Variants in ZNF536 observed in about 807,000 individuals in gnomAD.
ZNF536 encodes zinc finger protein 536.
In ZNF536, 13 loss-of-function variants were observed where a neutral mutation model predicts 84.5. The ratio of observed to expected loss-of-function variants is 0.15; its 90% CI spans 0.10 to 0.24. ZNF536 has a LOEUF of 0.24. Ranked by LOEUF, ZNF536 falls within the 10% of genes least tolerant of loss-of-function variation. ZNF536 has a pLI of 1.00. For synonymous variants in ZNF536, 811 were observed against 742.5 expected (o/e 1.09, Z -1.50); for missense variants, 1,536 against 1,747.5 (o/e 0.88, Z 2.16).
At chr19:30,521,631 G>A (rs936704700) in intron 2 of ZNF536, among the ~76,000 whole-genome samples, 1 of 152,122 alleles carries the variant, frequency 6.6e-6, no homozygotes, top group South Asian at 2.1e-4. Context: ...GGTGAATATT[G>A]GCTGGACACC....
At chr19:30,708,543 GCGGTGGGAAA>G (rs1346299328) in intron 1 of ZNF536, among the ~76,000 whole-genome samples, 13 of 152,300 alleles carry the variant, frequency 8.5e-5, no homozygotes, top group Admixed American at 7.8e-4. Flanking sequence ...GGACAGGCTG[GCGGTGGGAAA>G]CTGGAAGCAT....
intron 2 of ZNF536, among the ~76,000 whole-genome samples, chr19:30,285,947 G>T (rs1251643610): frequency 6.6e-6 from 1 of 152,206 alleles, no homozygotes; most frequent in Non-Finnish European, 1.5e-5. Flanking sequence ...GCATGTCGGG[G>T]AATTCCTGTC....
At chr19:30,365,808 T>C (rs1416101523) in intron 3 of ZNF536, among the ~76,000 whole-genome samples, 1 of 152,230 alleles carries the variant, frequency 6.6e-6, no homozygotes, top group Admixed American at 6.5e-5. Context: ...GCACACTTTT[T>C]CCCATAACAT....
At chr19:30,507,596 A>C (rs2145450000) in intron 2 of ZNF536, among the ~76,000 whole-genome samples, 1 of 152,310 alleles carries the variant, frequency 6.6e-6, no homozygotes, top group Middle Eastern at 3.4e-3. Flanking sequence ...TTAAGGTGTA[A>C]AGAATAGAGA....
chr19:30,653,234 G>A (rs1241311748), intron 1 of ZNF536, among the ~76,000 whole-genome samples: 1 of 152,156 alleles, frequency 6.6e-6, no homozygotes, highest in African/African-American at 2.4e-5. Context: ...GTTCTGGGGA[G>A]GACCCTCTAT....
intron 1 of ZNF536, among the ~76,000 whole-genome samples, chr19:30,703,788 C>CA (rs1203642271): frequency 2.6e-5 from 4 of 152,178 alleles, no homozygotes; most frequent in Non-Finnish European, 1.5e-5. Flanking sequence ...CGTCATTTAC[C>CA]AATGTGTCAC....
chr19:30,471,991 A>G (rs1398364651), intron 2 of ZNF536, among the ~76,000 whole-genome samples: 1 of 152,134 alleles, frequency 6.6e-6, no homozygotes, highest in African/African-American at 2.4e-5. Flanking sequence ...GAGGAGCTCC[A>G]TTAGAGGGGG....
chr19:30,482,132 T>C (rs2054115336), intron 2 of ZNF536, among the ~76,000 whole-genome samples: 1 of 150,862 alleles, frequency 6.6e-6, no homozygotes, highest in South Asian at 2.1e-4. Flanking sequence ...TGTGTGTGAA[T>C]GTGTGTGTGT....
intron 3 of ZNF536, among the ~76,000 whole-genome samples, chr19:30,545,318 G>GTCT (rs1377590941): frequency 6.9e-6 from 1 of 145,916 alleles, no homozygotes; most frequent in African/African-American, 2.5e-5. Flanking sequence ...CAGAACTGGT[G>GTCT]TCTTACCACA....
chr19:30,305,890 C>T (rs551290063), intron 2 of ZNF536, among the ~76,000 whole-genome samples: 10 of 152,298 alleles, frequency 6.6e-5, no homozygotes, highest in African/African-American at 1.9e-4. Flanking sequence ...TCGGTCCACC[C>T]GCAGTGTAGA....
chr19:30,526,320 C>A (rs548460904), intron 2 of ZNF536, among the ~76,000 whole-genome samples: 2 of 152,192 alleles, frequency 1.3e-5, no homozygotes, highest in African/African-American at 4.8e-5. Context: ...TGGCGGTCTG[C>A]GGATGACAGG....
intron 3 of ZNF536, among the ~76,000 whole-genome samples, chr19:30,355,770 A>G (rs1260520268): frequency 6.6e-6 from 1 of 152,228 alleles, no homozygotes; most frequent in Middle Eastern, 3.4e-3. Context: ...TTAGATTTTC[A>G]TAGGATCCCA....
chr19:30,469,810 ATGGTGCCTGTCC>A (rs904614498), intron 2 of ZNF536, among the ~76,000 whole-genome samples: 1 of 152,006 alleles, frequency 6.6e-6, no homozygotes, highest in Non-Finnish European at 1.5e-5. Flanking sequence ...CCAGAGGTGG[ATGGTGCCTGTCC>A]TGGAATCTCG....
chr19:30,494,969 A>AAAG (rs2054660644), intron 2 of ZNF536, among the ~76,000 whole-genome samples: 1 of 151,120 alleles, frequency 6.6e-6, no homozygotes, highest in South Asian at 2.1e-4. Context: ...AAAAAAAAAA[A>AAAG]AGCCCCCTCA....
At chr19:30,236,797 G>GAT (rs1453717717) in intron 1 of ZNF536, among the ~76,000 whole-genome samples, 1 of 152,198 alleles carries the variant, frequency 6.6e-6, no homozygotes, top group Non-Finnish European at 1.5e-5. Flanking sequence ...AACGGATGGT[G>GAT]ATATGGCTTG....
intron 1 of ZNF536, among the ~76,000 whole-genome samples, chr19:30,623,032 GTTTTTTTGTTTTTTTGT>G (rs2048544507): frequency 1.1e-5 from 1 of 92,920 alleles, no homozygotes; most frequent in Non-Finnish European, 2.2e-5. Context: ...TTTTTTTTTT[GTTTTTTTGTTTTTTTGT>G]TTTTTTGAGA....
At chr19:30,383,034 A>G (rs1257515577) in intron 1 of ZNF536, among the ~76,000 whole-genome samples, 1 of 152,194 alleles carries the variant, frequency 6.6e-6, no homozygotes, top group African/African-American at 2.4e-5. Context: ...CCACGCCTGC[A>G]AGCCCAGCAC....
chr19:30,331,270 A>G (rs923709384), intron 2 of ZNF536, among the ~76,000 whole-genome samples: 2 of 133,554 alleles, frequency 1.5e-5, no homozygotes, highest in East Asian at 2.4e-4. Context: ...CAGCCTGGGG[A>G]ACAGAGTAAG....
At chr19:30,256,298 T>C (rs2024914945) in intron 1 of ZNF536, among the ~76,000 whole-genome samples, 1 of 152,222 alleles carries the variant, frequency 6.6e-6, no homozygotes, top group African/African-American at 2.4e-5. Context: ...TCGTATGCGA[T>C]TCCTCATTTT....
Sources: gnomAD v4.1 joint callset for allele counts (sites outside exome capture counted in the v4.1 genomes callset) on GRCh38, gnomAD v4.1.1 for gene constraint, MANE v1.5 for transcripts, NCBI Gene and HGNC (gene_info 2026-07-23, HGNC 2026-07-21) for gene names.